Variants in CRIM1 observed in about 807,000 individuals in gnomAD.
The protein encoded by CRIM1 is cysteine rich transmembrane BMP regulator 1.
In CRIM1, 32 loss-of-function variants were observed where a neutral mutation model predicts 116.4. The ratio of observed to expected loss-of-function variants is 0.27; its 90% confidence interval spans 0.21 to 0.37. The LOEUF (loss-of-function observed/expected upper bound fraction) is 0.37, where lower values mean the gene tolerates loss of function less well. Ranked by LOEUF, CRIM1 falls within the 10% of genes least tolerant of loss-of-function variation. The pLI is 1.00. For synonymous variants in CRIM1, 590 were observed against 509.2 expected (o/e 1.16, Z -2.13); for missense variants, 1,331 against 1,354.8 (o/e 0.98, Z 0.28).
chr2:36,472,999 G>A (rs1678652721), intron 5 of CRIM1, among the ~76,000 whole-genome samples: 1 of 152,140 alleles, frequency 6.6e-6, no homozygotes, highest in Non-Finnish European at 1.5e-5. Flanking sequence ...TTCACATGTA[G>A]TACGTGTGCA....
chr2:36,381,242 G>T (rs939977520), intron 1 of CRIM1, among the ~76,000 whole-genome samples: 91 of 152,364 alleles, frequency 6.0e-4, no homozygotes, highest in African/African-American at 2.1e-3. Context: ...GGACTCGGGG[G>T]AGGGGGAAGG....
intron 4 of CRIM1, among the ~76,000 whole-genome samples, chr2:36,445,221 A>G (rs992752029): frequency 6.6e-6 from 1 of 152,106 alleles, no homozygotes; most frequent in African/African-American, 2.4e-5. Flanking sequence ...TTGGGTTGTA[A>G]TACTACTCCC....
intron 2 of CRIM1, among the ~76,000 whole-genome samples, chr2:36,409,423 G>T (rs531126868): frequency 6.6e-6 from 1 of 152,280 alleles, no homozygotes; most frequent in African/African-American, 2.4e-5. Flanking sequence ...ATTCAATCCA[G>T]AAAGAAGGAG....
In CRIM1 at chr2:36,550,066, T is replaced by TGTGTGCGC. The variant is rs374839318; in HGVS notation, c.*1366_*1367insTGTGCGCG. The TGTGTGCGC allele has an allele frequency of 2.0e-4, 30 of 149,770 alleles. No individual in the cohort carries two copies. The highest frequency in any genetic ancestry group is 1.5e-3 in the South Asian group (7 of 4,732). 9.3% of individuals were successfully genotyped at this position (149,770 alleles called of 1,614,324 possible). On this transcript the variant is annotated 3_prime_UTR_variant, in exon 17 of 17. Transcript: ENST00000280527. ...ATGTGTGTGTGTGTGTGTGTGTGTG[T>TGTGTGCGC]GCGCGCGCACGCACGCCTTGAGCAG...
intron 2 of CRIM1, among the ~76,000 whole-genome samples, chr2:36,439,228 C>T (rs896555842): frequency 1.1e-4 from 17 of 152,208 alleles, no homozygotes; most frequent in Admixed American, 5.9e-4. Flanking sequence ...TTCTCCAACA[C>T]ACCCGGTACC....
intron 1 of CRIM1, among the ~76,000 whole-genome samples, chr2:36,394,922 G>A (rs1345290862): frequency 6.6e-6 from 1 of 151,584 alleles, no homozygotes; most frequent in African/African-American, 2.4e-5. Context: ...GTCAGGAAGA[G>A]CAGACTTTTA....
At chr2:36,377,152 T>C (rs536182930) in intron 1 of CRIM1, among the ~76,000 whole-genome samples, 1 of 152,218 alleles carries the variant, frequency 6.6e-6, no homozygotes, top group African/African-American at 2.4e-5. Flanking sequence ...TCAGGGGCGC[T>C]GTCCAGCCAG....
At position 36,495,487 on chromosome 2, in the gene CRIM1, T is replaced by TATTTA. The variant is rs67640324; in HGVS notation, c.1373-3732_1373-3731insATTTA. Reference sequence around the variant, plus strand: ...TATTTATTTATTTATTTTTTTTTTTTTTTTTTTTTGGATGAGAAACAGTCA... The same window carrying TATTTA: ...TATTTATTTATTTATTTTTTTTTTTTATTTATTTTTTTTTGGATGAGAAACAGTCA... On this transcript the variant is annotated intron_variant, in intron 7 of 16. Transcript: ENST00000280527. Among the ~76,000 whole-genome samples, 767 of 144,296 alleles carry TATTTA rather than the reference T, an allele frequency of 5.3e-3. 10 individuals carry two copies. The highest frequency in any genetic ancestry group is 0.019 in the African/African-American group (691 of 36,306). 94.7% of individuals were successfully genotyped at this position (144,296 alleles called of 152,430 possible). A position where few individuals can be genotyped will look rare whatever the true frequency, so the allele number is the denominator to read the frequency against.
intron 1 of CRIM1, among the ~76,000 whole-genome samples, chr2:36,368,962 C>G (rs1482458514): frequency 6.6e-6 from 1 of 152,140 alleles, no homozygotes; most frequent in African/African-American, 2.4e-5. Context: ...AAAGTTAAAT[C>G]CTGTTCCAGA....
chr2:36,449,727 G>A (rs1676544548), intron 4 of CRIM1, among the ~76,000 whole-genome samples: 1 of 152,060 alleles, frequency 6.6e-6, no homozygotes, highest in African/African-American at 2.4e-5. Context: ...GAGACTCCTG[G>A]GAAACAAAGG....
intron 1 of CRIM1, among the ~76,000 whole-genome samples, chr2:36,362,326 A>G (rs775652142): frequency 2.6e-5 from 4 of 152,178 alleles, no homozygotes; most frequent in Non-Finnish European, 5.9e-5. Flanking sequence ...GGGAATTTGA[A>G]TTTGAACTAG....
Position 36,442,725 on chromosome 2 carries a change from T to C in CRIM1, c.859T>C (p.Leu287=), listed in dbSNP as rs369907108. 8.1e-5 allele frequency: 131 copies of C among 1,614,052 alleles called. No homozygotes were observed. Among genetic ancestry groups the C allele is most frequent in the Non-Finnish European group, 1.1e-4 (124 of 1,180,022 alleles). The change falls in exon 4 of 17, where the codon TTG becomes CTG. Residue 287 remains leucine, a synonymous_variant. Coordinates refer to ENST00000280527, the MANE Select transcript of CRIM1 (RefSeq NM_016441.3). Reference sequence around the variant, plus strand: ...ACTAACTGCAGATGGTTGCTGTACTTTGCCAACAAGGTTAGTTTGCCATTA... The same window carrying C: ...ACTAACTGCAGATGGTTGCTGTACTCTGCCAACAAGGTTAGTTTGCCATTA... ...VRLTADGCCT[L]PTRCECLSGL...
chr2:36,428,895 A>G (rs1674657572), intron 2 of CRIM1, among the ~76,000 whole-genome samples: 1 of 152,214 alleles, frequency 6.6e-6, no homozygotes, highest in Non-Finnish European at 1.5e-5. Context: ...GTTTAAAGAT[A>G]CAGTCACCCA....
chr2:36,437,621 C>T (rs1005785587), intron 2 of CRIM1, among the ~76,000 whole-genome samples: 9 of 152,092 alleles, frequency 5.9e-5, no homozygotes, highest in African/African-American at 9.7e-5. Context: ...AGTTGAAAAG[C>T]ATTTAATAAG....
At chr2:36,378,515 A>C (rs1193847401) in intron 1 of CRIM1, 1 of 401,344 alleles carries the variant, frequency 2.5e-6, no homozygotes, top group Non-Finnish European at 5.1e-6. Context: ...TCACAGCTCT[A>C]ACGTAAGGCG....
chr2:36,544,530 T>G, intron 15 of CRIM1, 32 bp downstream of exon 15: 1 of 1,319,130 alleles, frequency 7.6e-7, no homozygotes, highest in Non-Finnish European at 9.8e-7. Flanking sequence ...GATCTGCTAG[T>G]TTTCTATGTG....
intron 2 of CRIM1, among the ~76,000 whole-genome samples, chr2:36,427,147 G>C (rs1260083230): frequency 6.6e-6 from 1 of 151,630 alleles, no homozygotes; most frequent in Non-Finnish European, 1.5e-5. Flanking sequence ...GTTGCAGTGA[G>C]CCGAGATCGC....
At chr2:36,492,737 G>A (rs1680316322) in intron 7 of CRIM1, among the ~76,000 whole-genome samples, 1 of 152,128 alleles carries the variant, frequency 6.6e-6, no homozygotes, top group South Asian at 2.1e-4. Context: ...CTGGCTAGGA[G>A]ACCTGATATA....
intron 8 of CRIM1, among the ~76,000 whole-genome samples, chr2:36,503,450 G>A (rs886649881): frequency 3.9e-5 from 6 of 152,154 alleles, no homozygotes; most frequent in Admixed American, 1.3e-4. Flanking sequence ...GCATATGGCC[G>A]TTGCTTACTC....
Sources: gnomAD v4.1 joint callset for allele counts (sites outside exome capture counted in the v4.1 genomes callset) on GRCh38, gnomAD v4.1.1 for gene constraint, MANE v1.5 for transcripts, NCBI Gene and HGNC (gene_info 2026-07-23, HGNC 2026-07-21) for gene names.